Variants in EYS observed in about 807,000 individuals in gnomAD.
EYS encodes the protein EGF-like photoreceptor maintenance factor.
EYS carries 250 observed loss-of-function variants against 282.1 expected under a neutral mutation model. The ratio of observed to expected loss-of-function variants is 0.89; its 90% CI spans 0.80 to 0.98. The LOEUF (loss-of-function observed/expected upper bound fraction) is 0.98, where lower values mean the gene tolerates loss of function less well. Ranked by LOEUF, EYS falls within the 50% of genes least tolerant of loss-of-function variation. The pLI is 0.00. For missense variants in EYS, 4,016 were observed against 3,709.0 expected, an observed-to-expected ratio of 1.08 and a Z score of -2.15; for synonymous variants, 1,355 against 1,282.9, an observed-to-expected ratio of 1.06 and a Z score of -1.20.
At chr6:65,176,881 T>C (rs547582640) in intron 12 of EYS, among the ~76,000 whole-genome samples, 1 of 151,702 alleles carries the variant, frequency 6.6e-6, no homozygotes, top group Non-Finnish European at 1.5e-5. Flanking sequence ...CATGTTAATT[T>C]TAAGAAAATT....
At chr6:65,092,628 CAT>C (rs764581796) in intron 12 of EYS, among the ~76,000 whole-genome samples, 13 of 152,226 alleles carry the variant, frequency 8.5e-5, no homozygotes, top group Middle Eastern at 3.4e-3. Context: ...TGCAGCCAGG[CAT>C]AGTTTTTTAG....
intron 22 of EYS, among the ~76,000 whole-genome samples, chr6:64,686,899 G>A (rs1189509964): frequency 1.5e-5 from 2 of 130,442 alleles, no homozygotes; most frequent in African/African-American, 5.9e-5. Flanking sequence ...ACATATATAT[G>A]TGTATATATA....
intron 41 of EYS, chr6:63,744,273 C>A (rs1385111146): frequency 6.6e-6 from 1 of 152,100 alleles, no homozygotes; most frequent in Non-Finnish European, 1.5e-5. Context: ...ACACCAAATG[C>A]ATTTTAAAAA....
intron 12 of EYS, among the ~76,000 whole-genome samples, chr6:65,233,108 T>C (rs1387787096): frequency 6.6e-6 from 1 of 152,190 alleles, no homozygotes; most frequent in East Asian, 1.9e-4. Context: ...TGTCCTTTAA[T>C]TCTTTGAGCA....
At chr6:64,490,607 A>G (rs989517336) in intron 26 of EYS, among the ~76,000 whole-genome samples, 3 of 150,930 alleles carry the variant, frequency 2.0e-5, no homozygotes, top group Non-Finnish European at 4.5e-5. Flanking sequence ...TCAGATTACA[A>G]GGAATAATAA....
chr6:65,618,398 C>T (rs1404104111), intron 2 of EYS, among the ~76,000 whole-genome samples: 1 of 152,206 alleles, frequency 6.6e-6, no homozygotes, highest in Non-Finnish European at 1.5e-5. Flanking sequence ...TTCGATGGGG[C>T]TGTTTGTTTT....
chr6:64,364,422 C>T (rs1772124455), intron 29 of EYS, among the ~76,000 whole-genome samples: 1 of 151,832 alleles, frequency 6.6e-6, no homozygotes, highest in Non-Finnish European at 1.5e-5. Flanking sequence ...ATGAATATAG[C>T]ATACATGCAA....
At position 63,864,196 on chromosome 6, in the gene EYS, G is replaced by C; in HGVS notation, c.7218C>G (p.Leu2406=). The change falls in exon 36 of 43, where the codon CTC becomes CTG. Residue 2406 remains leucine (L), a synonymous_variant. Coordinates refer to ENST00000503581, the MANE Select transcript of EYS (RefSeq NM_001142800.2). ...ATCAAATGCTCTTACCATCAGTGCA[G>C]AGGGGTCCAGACCTCCCATATGGGC... ...CLCPYGRSGP[L]CTDAINITQP... 6.5e-7 allele frequency: 1 copy of C among 1,534,282 alleles called. No homozygotes were observed. Among genetic ancestry groups the C allele is most frequent in the Non-Finnish European group, 8.8e-7 (1 of 1,136,786 alleles).
At chr6:64,224,639 G>A (rs1378842176) in intron 31 of EYS, among the ~76,000 whole-genome samples, 7 of 151,950 alleles carry the variant, frequency 4.6e-5, no homozygotes, top group South Asian at 4.2e-4. Context: ...TATTTTTCTC[G>A]ATGACCTAAA....
intron 33 of EYS, among the ~76,000 whole-genome samples, chr6:64,059,441 C>A (rs1218445762): frequency 6.6e-6 from 1 of 152,148 alleles, no homozygotes; most frequent in African/African-American, 2.4e-5. Flanking sequence ...TTTTAAACAT[C>A]AAACTGGCTG....
intron 13 of EYS, among the ~76,000 whole-genome samples, chr6:65,055,212 G>T (rs1289295774): frequency 6.6e-6 from 1 of 152,014 alleles, no homozygotes; most frequent in Non-Finnish European, 1.5e-5. Flanking sequence ...AGAACTTCTG[G>T]CTTCAAGCAA....
At chr6:64,051,347 A>G (rs761916270) in intron 33 of EYS, among the ~76,000 whole-genome samples, 6 of 152,188 alleles carry the variant, frequency 3.9e-5, no homozygotes, top group Non-Finnish European at 7.4e-5. Flanking sequence ...ATAGAGTTAT[A>G]TGTGTCCTTT....
intron 22 of EYS, among the ~76,000 whole-genome samples, chr6:64,629,683 G>A (rs73437325): frequency 6.6e-6 from 1 of 152,090 alleles, no homozygotes; most frequent in African/African-American, 2.4e-5. Context: ...CGATATTCCA[G>A]TGTTCATTAC....
intron 22 of EYS, among the ~76,000 whole-genome samples, chr6:64,698,386 A>T (rs890275925): frequency 6.6e-6 from 1 of 152,230 alleles, no homozygotes; most frequent in South Asian, 2.1e-4. Flanking sequence ...AAAATAAAAA[A>T]TTGGTTGTTA....
At chr6:64,061,185 T>G (rs1582214418) in intron 33 of EYS, among the ~76,000 whole-genome samples, 1 of 152,026 alleles carries the variant, frequency 6.6e-6, no homozygotes. Context: ...ACACAGTAAA[T>G]CACCTAGAAT....
At chr6:63,949,646 T>C (rs1363239588) in intron 35 of EYS, among the ~76,000 whole-genome samples, 1 of 152,216 alleles carries the variant, frequency 6.6e-6, no homozygotes, top group African/African-American at 2.4e-5. Context: ...TCCACTAGAC[T>C]ATGACCTCCT....
At chr6:65,249,710 T>C (rs1007083292) in intron 12 of EYS, among the ~76,000 whole-genome samples, 9 of 152,068 alleles carry the variant, frequency 5.9e-5, no homozygotes, top group African/African-American at 2.2e-4. Flanking sequence ...ACTTTTTTCT[T>C]TGAATTTAAA....
intron 22 of EYS, among the ~76,000 whole-genome samples, chr6:64,746,189 T>C (rs867909552): frequency 3.9e-5 from 6 of 151,992 alleles, no homozygotes; most frequent in South Asian, 2.1e-4. Context: ...TGAAATTTAA[T>C]TGCCCTTGTA....
intron 12 of EYS, among the ~76,000 whole-genome samples, chr6:65,269,438 C>A (rs1767840767): frequency 6.6e-6 from 1 of 152,110 alleles, no homozygotes; most frequent in Non-Finnish European, 1.5e-5. Context: ...CTGAAACAAG[C>A]AGTAAAGAAC....
Sources: allele counts gnomAD v4.1 joint callset (sites outside exome capture counted in the v4.1 genomes callset), GRCh38; gene constraint gnomAD v4.1.1; transcripts MANE v1.5; gene names NCBI Gene and HGNC (gene_info 2026-07-23, HGNC 2026-07-21).